PRKCSH: variants seen among roughly 807,000 people sequenced by gnomAD.
PRKCSH encodes glucosidase 2 subunit beta.
Under a neutral mutation model 79.7 loss-of-function variants are expected in PRKCSH, and 42 were observed. That is an observed-to-expected ratio of 0.53 (90% CI 0.41 to 0.68). PRKCSH has a LOEUF of 0.68. Among genes scored for constraint, PRKCSH ranks in the 30% least tolerant of loss-of-function variants. The pLI, the probability that PRKCSH is intolerant of heterozygous loss-of-function variation, is 0.00. For missense variants in PRKCSH, 686 were observed against 709.0 expected (o/e 0.97, Z 0.37); for synonymous variants, 325 against 288.2 (o/e 1.13, Z -1.29).
Position 11,448,096 on chromosome 19 carries a change from T to C in PRKCSH, c.1127-126T>C. 1 of 1,059,092 alleles carries C rather than the reference T, an allele frequency of 9.4e-7. No homozygotes were observed. The highest frequency in any genetic ancestry group is 1.4e-6 in the Non-Finnish European group (1 of 701,470). 65.6% of individuals were successfully genotyped at this position (1,059,092 alleles called of 1,614,324 possible). A position where few individuals can be genotyped will look rare whatever the true frequency, so the allele number is the denominator to read the frequency against. On this transcript the variant is annotated intron_variant, in intron 12 of 17. Coordinates refer to ENST00000677123, the MANE Select transcript of PRKCSH (RefSeq NM_001289104.2). The surrounding 1 kb of genome is among the most constrained non-coding windows in gnomAD (Gnocchi z 4.4). ...ATAGCTGGTGAGGCCCTCAAGGCTGTCGGGGTGAAGTCCTTGGCCAGAGCA... is the reference window on the plus strand; with the variant it reads ...ATAGCTGGTGAGGCCCTCAAGGCTGCCGGGGTGAAGTCCTTGGCCAGAGCA...
chr19:11,438,155 C>A lies in PRKCSH; in HGVS notation c.350+31C>A, dbSNP rs192575073. On this transcript the variant is annotated intron_variant, in intron 5 of 17. Coordinates refer to ENST00000677123, the MANE Select transcript of PRKCSH (RefSeq NM_001289104.2). ...TGGGTGACAGTACCCCTCCCATCAC[C>A]CCACCCCAAGACTTTGCCTGGCTCC... The A allele has an allele frequency of 6.8e-6, 11 of 1,611,954 alleles. No homozygotes were observed. In the East Asian group the frequency reaches 2.5e-4, roughly 36 times the overall value.
chr19:11,442,573 C>T lies in PRKCSH; in HGVS notation c.598+58C>T. On this transcript the variant is annotated intron_variant, in intron 7 of 17. Coordinates refer to ENST00000677123, the MANE Select transcript of PRKCSH (RefSeq NM_001289104.2). ...GTCCTGGGTGGGAGCAGGTCTGGGC[C>T]TAGGAGTCTCCCGCTCATTATCTGT... 1.9e-6 allele frequency: 3 copies of T among 1,589,438 alleles called. 1 individual carries two copies. In the South Asian group the frequency reaches 3.4e-5, roughly 18 times the overall value.
intron 7 of PRKCSH, among the ~76,000 whole-genome samples, chr19:11,443,122 C>CT (rs1250314303): frequency 6.6e-6 from 1 of 152,066 alleles, no homozygotes; most frequent in Non-Finnish European, 1.5e-5. Flanking sequence ...ATTGTAAGAG[C>CT]TTTTTTGTGG....
At position 11,447,070 on chromosome 19, in the gene PRKCSH, A is replaced by C; in HGVS notation, c.763-4A>C. 5 of 1,613,758 alleles carry C rather than the reference A, an allele frequency of 3.1e-6. No homozygotes were observed. Among genetic ancestry groups the C allele is most frequent in the Non-Finnish European group, 4.2e-6 (5 of 1,179,728 alleles). ...GATCTTGACACCACCCCCAACACAC[A>C]CAGGCCCTCCTCAGTGGGGACACAC... On this transcript the variant is annotated splice_polypyrimidine_tract_variant and splice_region_variant and intron_variant, in intron 9 of 17. Transcript: ENST00000677123. This position sits in a 1 kb window ranked among gnomAD's most constrained non-coding sequence, Gnocchi z 5.6.
rs151320401 is a variant in PRKCSH, at chr19:11,445,508, C to T, written c.683+35C>T. 3.7e-4 allele frequency: 585 copies of T among 1,598,438 alleles called. 2 individuals carry two copies. In the African/African-American group the frequency reaches 6.3e-3, roughly 17 times the overall value. On this transcript the variant is annotated intron_variant, in intron 8 of 17. Coordinates refer to ENST00000677123, the MANE Select transcript of PRKCSH (RefSeq NM_001289104.2). ...CCCTAGTTGGAGCTGCCCACCTTTC[C>T]GTGGGCCTGGGTTTCCCTCCCCGCC...
At position 11,446,186 on chromosome 19, in the gene PRKCSH, GGAA is replaced by G. The variant is rs1970287422; in HGVS notation, c.684-82_684-80del. 5 of 1,456,254 alleles carry G rather than the reference GGAA, an allele frequency of 3.4e-6. No homozygotes were observed. The South Asian group carries it at 5.8e-5, about 17-fold the overall frequency. The allele number at this position is 1,456,254 out of a possible 1,614,324, so 90.2% of individuals were successfully genotyped here. A position where few individuals can be genotyped will look rare whatever the true frequency, so the allele number is the denominator to read the frequency against. Reference sequence around the variant, plus strand: ...CAAGTTCCAGGGTGGGGCCCTGCAGGGAAGAACAGGTGGGCCACATGGTGCCCC... The same window carrying G: ...CAAGTTCCAGGGTGGGGCCCTGCAGGGAACAGGTGGGCCACATGGTGCCCC... On this transcript the variant is annotated intron_variant, in intron 8 of 17. Transcript: ENST00000677123.
chr19:11,441,461 G>A (rs1970058175), intron 6 of PRKCSH, 104 bp downstream of exon 6: 2 of 1,047,166 alleles, frequency 1.9e-6, no homozygotes, highest in African/African-American at 1.6e-5. Context: ...GCTGTTCTGG[G>A]GCAAGTGACT....
intron 9 of PRKCSH, among the ~76,000 whole-genome samples, chr19:11,446,563 C>A (rs928044899): frequency 1.3e-5 from 2 of 151,918 alleles, no homozygotes; most frequent in African/African-American, 2.4e-5. Context: ...GCACCTGCCC[C>A]CACTCTACCC....
At chr19:11,445,267 C>T (rs1258713946) in intron 7 of PRKCSH, 122 bp from the exon 8 acceptor site, 2 of 875,070 alleles carry the variant, frequency 2.3e-6, no homozygotes, top group Non-Finnish European at 3.8e-6. Context: ...CAGTCGTGTC[C>T]TCAGGGTCCA....
At position 11,448,905 on chromosome 19, in the gene PRKCSH, C is replaced by G. The variant is rs1195843884; in HGVS notation, c.1287-9C>G. 1.2e-6 allele frequency: 2 copies of G among 1,613,950 alleles called. No individual in the cohort carries two copies. The highest frequency in any genetic ancestry group is 3.3e-5 in the Admixed American group (2 of 60,004). ...CGTTCCCCAACCCATATGTCCCGGT[C>G]CTCCACAGATACGTCTACCGCCTCT... On this transcript the variant is annotated splice_polypyrimidine_tract_variant and intron_variant, in intron 14 of 17. Transcript: ENST00000677123. This position sits in a 1 kb window ranked among gnomAD's most constrained non-coding sequence, Gnocchi z 4.4.
At chr19:11,441,078 G>T in intron 5 of PRKCSH, 162 bp from the exon 6 acceptor site, 1 of 759,592 alleles carries the variant, frequency 1.3e-6, no homozygotes. Context: ...GGACAGGAAT[G>T]AAGGATGCTG....
chr19:11,442,291 C>T lies in PRKCSH; in HGVS notation c.469-95C>T, dbSNP rs1438923726. The T allele has an allele frequency of 3.7e-5, 55 of 1,495,818 alleles. 1 individual carries two copies. In the South Asian group the frequency reaches 6.3e-4, roughly 17 times the overall value. 92.7% of individuals were successfully genotyped at this position (1,495,818 alleles called of 1,614,324 possible). On this transcript the variant is annotated intron_variant, in intron 6 of 17. Transcript: ENST00000677123. ...GCTTGGTGTGTGTTTTGGAACATCT[C>T]CCTGCTGCCCTGTGGAGTAGAGGCA...
chr19:11,447,879 C>T lies in PRKCSH; in HGVS notation c.1126+90C>T, dbSNP rs1970396281. On this transcript the variant is annotated intron_variant, in intron 12 of 17. Transcript: ENST00000677123. The surrounding 1 kb of genome is among the most constrained non-coding windows in gnomAD (Gnocchi z 5.6). ...TCGAGGGAAGATCCTGAGCTTAGAC[C>T]CTGCTCTGACTCGGCCAGCACAAGC... is the stretch of plus-strand genomic sequence containing the variant. 10 of 1,382,674 alleles carry T rather than the reference C, an allele frequency of 7.2e-6. No individual in the cohort carries two copies. In the East Asian group the frequency reaches 2.3e-4, roughly 31 times the overall value. The allele number at this position is 1,382,674 out of a possible 1,614,324, so 85.7% of individuals were successfully genotyped here.
At chr19:11,440,981 A>G (rs1328926889) in intron 5 of PRKCSH, 1 of 451,472 alleles carries the variant, frequency 2.2e-6, no homozygotes, top group East Asian at 4.5e-5. Context: ...CTGTCTCTTG[A>G]GAGTTGATAT....
intron 5 of PRKCSH, chr19:11,440,996 C>T: frequency 2.1e-6 from 1 of 475,444 alleles, no homozygotes; most frequent in Admixed American, 3.1e-5. Context: ...TGATATCTAG[C>T]TCCACCTCCT....
rs543110182 is a variant in PRKCSH at position 11,435,864 on chromosome 19, C to CT, written c.-78+160dup. On this transcript the variant is annotated intron_variant, in intron 1 of 17. Coordinates refer to ENST00000677123, the MANE Select transcript of PRKCSH (RefSeq NM_001289104.2). ...GCACAGGGAGCGGAGGTTTTGAGAT[C>CT]TTGAGATCCTCGCCATTGATTTGAG... 6.5e-4 allele frequency: 686 copies of CT among 1,061,506 alleles called. 13 individuals are homozygous for CT. The South Asian group carries it at 9.7e-3, about 15-fold the overall frequency. 65.8% of individuals were successfully genotyped at this position (1,061,506 alleles called of 1,614,324 possible).
intron 5 of PRKCSH, 152 bp from the exon 6 acceptor site, chr19:11,441,088 G>A (rs1341687750): frequency 2.5e-6 from 2 of 792,470 alleles, no homozygotes; most frequent in Admixed American, 1.8e-5. Context: ...GAAGGATGCT[G>A]ATGTTGAGAG....
intron 5 of PRKCSH, among the ~76,000 whole-genome samples, chr19:11,439,600 CTTTTCTTTTTTTTTTTTTTTTT>C (rs1283931788): frequency 1.5e-5 from 1 of 66,496 alleles, no homozygotes; most frequent in African/African-American, 5.9e-5. Context: ...AAAAATTTTT[CTTTTCTTTTTTTTTTTTTTTTT>C]TTTTTTTTTT....
chr19:11,443,228 C>T (rs1369101622), intron 7 of PRKCSH, among the ~76,000 whole-genome samples: 1 of 151,060 alleles, frequency 6.6e-6, no homozygotes, highest in African/African-American at 2.4e-5. Flanking sequence ...CCCTGGCCAA[C>T]ATGGTGAAAC....
Sources: allele counts gnomAD v4.1 joint callset (sites outside exome capture counted in the v4.1 genomes callset), GRCh38; gene constraint gnomAD v4.1.1; non-coding constraint Gnocchi (gnomAD v3.1); transcripts MANE v1.5; gene names NCBI Gene and HGNC (gene_info 2026-07-23, HGNC 2026-07-21).